Variants in DESI2 observed in about 807,000 individuals in gnomAD.
The protein encoded by DESI2 is desumoylating isopeptidase 2.
A neutral mutation model predicts 24.1 loss-of-function variants in DESI2; 10 were observed. The ratio of observed to expected loss-of-function variants is 0.41; its 90% CI spans 0.26 to 0.70. The LOEUF (loss-of-function observed/expected upper bound fraction) is 0.70, where lower values mean the gene tolerates loss of function less well. DESI2 is among the 30% of genes least tolerant of loss of function. The pLI, the probability that DESI2 is intolerant of heterozygous loss-of-function variation, is 0.29. For missense variants in DESI2, 122 were observed against 234.9 expected (o/e 0.52, Z 3.14); for synonymous variants, 71 against 87.7 (o/e 0.81, Z 1.06).
chr1:244,696,630 TTTAC>T (rs1276120811), intron 4 of DESI2, among the ~76,000 whole-genome samples: 1 of 152,138 alleles, frequency 6.6e-6, no homozygotes, highest in Non-Finnish European at 1.5e-5. Context: ...TCTTCCCCCC[TTTAC>T]TTGTTTTCAA....
At chr1:244,666,091 C>T (rs1410338069) in intron 1 of DESI2, among the ~76,000 whole-genome samples, 2 of 152,182 alleles carry the variant, frequency 1.3e-5, no homozygotes. Context: ...GGTCAGTTGA[C>T]ATTCCCACTC....
At chr1:244,697,633 A>G (rs1377233838) in intron 4 of DESI2, among the ~76,000 whole-genome samples, 1 of 152,172 alleles carries the variant, frequency 6.6e-6, no homozygotes, top group East Asian at 1.9e-4. Context: ...GTCGAATTTC[A>G]AATGATAGAT....
rs114832120 is a variant in DESI2 at position 244,668,369 on chromosome 1, C to T, written c.42+15014C>T. ...AAGGTAGTTTAACAGTGTAAACTTA[C>T]ATCAAAGACAGTAATTAGCCCACGA... On this transcript the variant is annotated intron_variant, in intron 1 of 4. Coordinates refer to ENST00000302550, the MANE Select transcript of DESI2 (RefSeq NM_016076.5). Among the ~76,000 whole-genome samples, 1,448 of 152,242 alleles carry T rather than the reference C, an allele frequency of 9.5e-3. 14 individuals are homozygous for T. Among genetic ancestry groups the T allele is most frequent in the Middle Eastern group, 0.02 (6 of 294 alleles).
chr1:244,664,690 C>T (rs994469356), intron 1 of DESI2, among the ~76,000 whole-genome samples: 1 of 152,134 alleles, frequency 6.6e-6, no homozygotes, highest in Admixed American at 6.5e-5. Flanking sequence ...GAGCAAGACC[C>T]TGTCTCAAAA....
At chr1:244,667,652 A>G (rs560890046) in intron 1 of DESI2, among the ~76,000 whole-genome samples, 2 of 152,220 alleles carry the variant, frequency 1.3e-5, no homozygotes, top group African/African-American at 4.8e-5. Context: ...GCCTCTTGCT[A>G]TAACAGAAGC....
At chr1:244,663,114 A>C (rs796719897) in intron 1 of DESI2, among the ~76,000 whole-genome samples, 36 of 152,254 alleles carry the variant, frequency 2.4e-4, no homozygotes, top group African/African-American at 8.2e-4. Context: ...AAGGGTCAAA[A>C]GGATCAAGTG....
intron 1 of DESI2, among the ~76,000 whole-genome samples, chr1:244,668,932 A>T (rs1007027029): frequency 2.0e-4 from 30 of 152,224 alleles, no homozygotes; most frequent in African/African-American, 5.5e-4. Context: ...TAAGAGGATA[A>T]TTTTTCTGCA....
At chr1:244,669,561 C>T (rs1676173088) in intron 1 of DESI2, among the ~76,000 whole-genome samples, 1 of 151,970 alleles carries the variant, frequency 6.6e-6, no homozygotes, top group Admixed American at 6.6e-5. Flanking sequence ...GCCTGTAATC[C>T]TAGCTATTTG....
In DESI2 at chr1:244,689,347, GT is replaced by G; in HGVS notation, c.209+6del. Reference sequence around the variant, plus strand: ...AGGAGAAACATTTAAATTTAAGTAAGTAGGGAGGATAATTTTTATTACACTG... The same window carrying G: ...AGGAGAAACATTTAAATTTAAGTAAGAGGGAGGATAATTTTTATTACACTG... On this transcript the variant is annotated splice_donor_region_variant and intron_variant, in intron 3 of 4. Transcript: ENST00000302550. The surrounding 1 kb of genome is among the most constrained non-coding windows in gnomAD (Gnocchi z 4.0). 1 of 1,357,716 alleles carries G rather than the reference GT, an allele frequency of 7.4e-7. No homozygotes were observed. Among genetic ancestry groups the G allele is most frequent in the Non-Finnish European group, 1.1e-6 (1 of 947,334 alleles). 84.1% of individuals were successfully genotyped at this position (1,357,716 alleles called of 1,614,324 possible). A position where few individuals can be genotyped will look rare whatever the true frequency, so the allele number is the denominator to read the frequency against.
chr1:244,653,492 G>GTCATTAAAA, intron 1 of DESI2, 137 bp downstream of exon 1: 1 of 781,132 alleles, frequency 1.3e-6, no homozygotes, highest in Non-Finnish European at 2.0e-6. Context: ...AGCCGGGGGT[G>GTCATTAAAA]AAGGAGGGAG....
At chr1:244,667,071 A>T (rs1365569252) in intron 1 of DESI2, among the ~76,000 whole-genome samples, 2 of 152,150 alleles carry the variant, frequency 1.3e-5, no homozygotes, top group Non-Finnish European at 2.9e-5. Context: ...TTGGCTGGGG[A>T]CATAGCCAAA....
At chr1:244,703,676 T>C (rs1231242522) in intron 4 of DESI2, among the ~76,000 whole-genome samples, 1 of 127,714 alleles carries the variant, frequency 7.8e-6, no homozygotes, top group East Asian at 2.3e-4. Flanking sequence ...TTTTTTTTTT[T>C]GAGACAGAGT....
In DESI2 at chr1:244,707,742, T is replaced by A. The variant is rs1232411795; in HGVS notation, c.*1953T>A. 6.6e-6 allele frequency: 1 copy of A among 152,222 alleles called. No homozygotes were observed. The highest frequency in any genetic ancestry group is 2.4e-5 in the African/African-American group (1 of 41,456). The allele number at this position is 152,222 out of a possible 1,614,324, so 9.4% of individuals were successfully genotyped here. ...ACACAGTAGCCATTAGTTAGACTCT[T>A]CTTAGTGAATATCAGGAACATCCCA... On this transcript the variant is annotated 3_prime_UTR_variant, in exon 5 of 5. Transcript: ENST00000302550.
intron 1 of DESI2, among the ~76,000 whole-genome samples, chr1:244,654,938 G>T (rs544455947): frequency 9.9e-5 from 15 of 152,246 alleles, no homozygotes; most frequent in East Asian, 9.6e-4. Context: ...GTATACAGTG[G>T]CCAGAAGCCA....
chr1:244,691,357 G>A (rs1174518413), intron 3 of DESI2, among the ~76,000 whole-genome samples: 1 of 152,220 alleles, frequency 6.6e-6, no homozygotes, highest in African/African-American at 2.4e-5. Flanking sequence ...CCAAAGTGCT[G>A]GGATTACAGG....
chr1:244,681,732 G>A (rs1676620753), intron 1 of DESI2, among the ~76,000 whole-genome samples: 1 of 152,230 alleles, frequency 6.6e-6, no homozygotes, highest in African/African-American at 2.4e-5. Flanking sequence ...ATATATCTCA[G>A]TAAGGGTATA....
At chr1:244,673,400 A>G (rs530988118) in intron 1 of DESI2, among the ~76,000 whole-genome samples, 2 of 151,512 alleles carry the variant, frequency 1.3e-5, no homozygotes, top group African/African-American at 4.9e-5. Context: ...GAAATGTGCT[A>G]CTGTTCATAT....
In DESI2 at chr1:244,653,290, G is replaced by C; in HGVS notation, c.-24G>C. 1 of 1,488,292 alleles carries C rather than the reference G, an allele frequency of 6.7e-7. No individual in the cohort carries two copies. Among genetic ancestry groups the C allele is most frequent in the Non-Finnish European group, 8.9e-7 (1 of 1,124,102 alleles). 92.2% of individuals were successfully genotyped at this position (1,488,292 alleles called of 1,614,324 possible). A position where few individuals can be genotyped will look rare whatever the true frequency, so the allele number is the denominator to read the frequency against. ...CGCGGAGACGGAGCGGCTTGAGGACGAGGCGGCGGCCGCGGGGAGGAGGAT... is the reference window on the plus strand; with the variant it reads ...CGCGGAGACGGAGCGGCTTGAGGACCAGGCGGCGGCCGCGGGGAGGAGGAT... On this transcript the variant is annotated 5_prime_UTR_variant, in exon 1 of 5. Coordinates refer to ENST00000302550, the MANE Select transcript of DESI2 (RefSeq NM_016076.5).
intron 1 of DESI2, 80 bp from the exon 2 acceptor site, chr1:244,686,517 G>T: frequency 1.2e-6 from 1 of 866,804 alleles, no homozygotes; most frequent in Non-Finnish European, 1.9e-6. Context: ...GTGAAAGACT[G>T]GGGAGCAGTC....
Sources: gnomAD v4.1 joint callset for allele counts (sites outside exome capture counted in the v4.1 genomes callset) on GRCh38, gnomAD v4.1.1 for gene constraint, Gnocchi (gnomAD v3.1) non-coding constraint, MANE v1.5 for transcripts, NCBI Gene and HGNC (gene_info 2026-07-23, HGNC 2026-07-21) for gene names.